The following UGT1A6 variants were observed in gnomAD, a reference collection of about 807,000 sequenced individuals.
UGT1A6 encodes UDP glucuronosyltransferase family 1 member A6, also known as UDP-glucuronosyltransferase 1A6.
Under a neutral mutation model 44.4 loss-of-function variants are expected in UGT1A6, and 32 were observed. The ratio of observed to expected loss-of-function variants is 0.72; its 90% CI spans 0.54 to 0.97. The LOEUF is 0.97. Ranked by LOEUF, UGT1A6 falls within the 50% of genes least tolerant of loss-of-function variation. UGT1A6 has a pLI of 0.00. For missense variants in UGT1A6, 685 were observed against 661.9 expected (o/e 1.03, Z -0.38); for synonymous variants, 238 against 248.5 (o/e 0.96, Z 0.40).
rs1328380095 is a variant in UGT1A6, at chr2:233,769,540, G to A, written c.1301+1101G>A. On this transcript the variant is annotated intron_variant, in intron 4 of 4. Coordinates refer to ENST00000305139, the MANE Select transcript of UGT1A6 (RefSeq NM_001072.4). The surrounding 1 kb of genome is among the most constrained non-coding windows in gnomAD (Gnocchi z 4.4). ...TGGTTACCTCCTTTAGAAAGAAGCA[G>A]CAGTCAGGAAGACAGATGTGAAGAG... The A allele has an allele frequency of 1.9e-6, 3 of 1,612,926 alleles. No homozygotes were observed. In the South Asian group the frequency reaches 3.3e-5, roughly 18 times the overall value.
Position 233,757,535 on chromosome 2 carries a change from A to AATATATATATATAT in UGT1A6, c.862-9486_862-9473dup, listed in dbSNP as rs67292694. Among the ~76,000 whole-genome samples the AATATATATATATAT allele has an allele frequency of 5.3e-3, 468 of 88,236 alleles. 9 individuals carry two copies. Among genetic ancestry groups the AATATATATATATAT allele is most frequent in the South Asian group, 0.014 (26 of 1,916 alleles). The allele number at this position is 88,236 out of a possible 152,430, so 57.9% of individuals were successfully genotyped here. Reference sequence around the variant, plus strand: ...CAAAGCCAAAATCTTGCCTGTAAGGAATATATATATATATATATATATATA... The same window carrying AATATATATATATAT: ...CAAAGCCAAAATCTTGCCTGTAAGGAATATATATATATATATATATATATATATATATATATATA... On this transcript the variant is annotated intron_variant, in intron 1 of 4. Transcript: ENST00000305139.
intron 1 of UGT1A6, among the ~76,000 whole-genome samples, chr2:233,703,143 G>A (rs151103120): frequency 1.9e-3 from 287 of 152,194 alleles, no homozygotes; most frequent in Non-Finnish European, 3.1e-3. Context: ...GCTTTATTTA[G>A]ATTTTGTATT....
At chr2:233,718,970 G>A (rs45510694) in intron 1 of UGT1A6, 3 of 1,614,194 alleles carry the variant, frequency 1.9e-6, no homozygotes, top group African/African-American at 1.3e-5. Context: ...CCTTGCGGGA[G>A]CTCCATGCCA....
intron 1 of UGT1A6, among the ~76,000 whole-genome samples, chr2:233,704,140 C>G (rs1322869617): frequency 6.6e-6 from 1 of 152,114 alleles, no homozygotes; most frequent in Non-Finnish European, 1.5e-5. Flanking sequence ...ATCCACCCGC[C>G]TCAGCCTTTC....
chr2:233,748,927 T>C (rs1694062254), intron 1 of UGT1A6, among the ~76,000 whole-genome samples: 1 of 151,536 alleles, frequency 6.6e-6, no homozygotes, highest in Admixed American at 6.6e-5. Flanking sequence ...AAGCTGAACA[T>C]ATCACCAAAC....
intron 1 of UGT1A6, among the ~76,000 whole-genome samples, chr2:233,723,589 G>T (rs2077103312): frequency 9.1e-6 from 1 of 109,944 alleles, no homozygotes; most frequent in Non-Finnish European, 1.8e-5. Context: ...GGGGGATTTG[G>T]CAGGGTCATG....
intron 1 of UGT1A6, among the ~76,000 whole-genome samples, chr2:233,719,884 G>A (rs2076812512): frequency 6.6e-6 from 1 of 152,164 alleles, no homozygotes; most frequent in South Asian, 2.1e-4. Flanking sequence ...AGGCACGGAT[G>A]AGGGTCTGTC....
At chr2:233,713,624 C>G in intron 1 of UGT1A6, 1 of 1,613,964 alleles carries the variant, frequency 6.2e-7, no homozygotes, top group Non-Finnish European at 8.5e-7. Context: ...TGCAAAGGGT[C>G]AAGAACATGC....
intron 1 of UGT1A6, among the ~76,000 whole-genome samples, chr2:233,757,479 A>G (rs1206962025): frequency 6.1e-5 from 9 of 148,148 alleles, no homozygotes; most frequent in African/African-American, 1.5e-4. Context: ...CTCCAAAACC[A>G]TGGACTGGCA....
chr2:233,700,353 T>G (rs2075558735), intron 1 of UGT1A6, among the ~76,000 whole-genome samples: 1 of 152,198 alleles, frequency 6.6e-6, no homozygotes, highest in Non-Finnish European at 1.5e-5. Context: ...GTGCTTATCT[T>G]TATGGCTGAT....
intron 1 of UGT1A6, chr2:233,760,484 T>C: frequency 6.2e-7 from 1 of 1,614,248 alleles, no homozygotes; most frequent in Non-Finnish European, 8.5e-7. Flanking sequence ...GACGCCTCGT[T>C]GTACATCAGA....
chr2:233,747,841 G>C (rs1575686388), intron 1 of UGT1A6: 1 of 1,613,504 alleles, frequency 6.2e-7, no homozygotes, highest in East Asian at 2.2e-5. Flanking sequence ...TTCCTGCAAA[G>C]GGTCAAGAAC....
intron 1 of UGT1A6, among the ~76,000 whole-genome samples, chr2:233,724,338 T>C (rs2077227587): frequency 6.9e-6 from 1 of 145,520 alleles, no homozygotes; most frequent in African/African-American, 2.6e-5. Context: ...GGCGGGGGGC[T>C]GACCCCCCCC....
intron 1 of UGT1A6, chr2:233,730,108 C>T (rs1261016305): frequency 1.3e-6 from 2 of 1,570,456 alleles, no homozygotes; most frequent in Non-Finnish European, 1.7e-6. Flanking sequence ...TTCATTTCTG[C>T]TTCTCCTTGT....
chr2:233,713,160 C>T (rs2076285885), intron 1 of UGT1A6: 1 of 1,614,074 alleles, frequency 6.2e-7, no homozygotes. Context: ...GAGAGGCCAC[C>T]AGGTGGTGGT....
chr2:233,702,819 G>A (rs1051674294), intron 1 of UGT1A6, among the ~76,000 whole-genome samples: 1 of 152,164 alleles, frequency 6.6e-6, no homozygotes, highest in Non-Finnish European at 1.5e-5. Flanking sequence ...CCACTTGATT[G>A]TGTTGTATAA....
At position 233,718,993 on chromosome 2, in the gene UGT1A6, CG is replaced by C. The variant is rs757477070; in HGVS notation, c.861+25130del. Reference sequence around the variant, plus strand: ...GAGCTCCATGCCAGAGGCCACCAGGCGGTGGTCCTCACCCCAGAGGTGAATA... The same window carrying C: ...GAGCTCCATGCCAGAGGCCACCAGGCGTGGTCCTCACCCCAGAGGTGAATA... On this transcript the variant is annotated intron_variant, in intron 1 of 4. Coordinates refer to ENST00000305139, the MANE Select transcript of UGT1A6 (RefSeq NM_001072.4). The C allele has an allele frequency of 3.7e-5, 59 of 1,614,208 alleles. No homozygotes were observed. The East Asian group carries it at 9.8e-4, about 27-fold the overall frequency.
Position 233,767,926 on chromosome 2 carries a change from C to T in UGT1A6, c.1071C>T (p.Asn357=). 5.6e-6 allele frequency: 9 copies of T among 1,614,196 alleles called. No homozygotes were observed. Among genetic ancestry groups the T allele is most frequent in the South Asian group, 1.1e-5 (1 of 91,082 alleles). The change falls in exon 3 of 5, where the codon AAC becomes AAT. Residue 357 remains asparagine, a synonymous_variant. Coordinates refer to ENST00000305139, the MANE Select transcript of UGT1A6 (RefSeq NM_001072.4). The part of the protein sequence containing the change: ...NTILVKWLPQ[N]DLLGHPMTRA... The stretch of plus-strand genomic sequence containing the variant: ...TACTTGTTAAGTGGCTACCCCAAAA[C>T]GATCTGCTTGGTATGTTGGGCGGAT...
chr2:233,757,465 C>G (rs1305238385), intron 1 of UGT1A6, among the ~76,000 whole-genome samples: 7 of 149,236 alleles, frequency 4.7e-5, no homozygotes, highest in Non-Finnish European at 5.9e-5. Flanking sequence ...AGAGCGCTTA[C>G]TGTCTCCAAA....
Sources: allele counts gnomAD v4.1 joint callset (sites outside exome capture counted in the v4.1 genomes callset), GRCh38; gene constraint gnomAD v4.1.1; non-coding constraint Gnocchi (gnomAD v3.1); transcripts MANE v1.5; gene names NCBI Gene and HGNC (gene_info 2026-07-23, HGNC 2026-07-21).